MINAR2: variants seen among roughly 807,000 people sequenced by gnomAD.
MINAR2 encodes membrane integral NOTCH2 associated receptor 2, also known as major intrinsically disordered NOTCH2-binding receptor 1-like.
Under a neutral mutation model 16.1 loss-of-function variants are expected in MINAR2, and 21 were observed. The observed-to-expected ratio is 1.31, with a 90% CI of 0.93 to 1.88. The LOEUF (loss-of-function observed/expected upper bound fraction) is 1.88. MINAR2 is among the 40% of genes most tolerant of loss of function. The probability of loss-of-function intolerance (pLI) is 0.00; values close to 1 mark genes in which losing one functional copy is unlikely to be tolerated. For synonymous variants in MINAR2, 86 were observed against 83.0 expected, an observed-to-expected ratio of 1.04 and a Z score of -0.20; for missense variants, 259 against 229.8, an observed-to-expected ratio of 1.13 and a Z score of -0.82.
chr5:129,759,231 G>A (rs1363023749), intron 1 of MINAR2, among the ~76,000 whole-genome samples: 2 of 151,856 alleles, frequency 1.3e-5, no homozygotes, highest in African/African-American at 2.4e-5. Context: ...ATATTCTCTG[G>A]GGTGTCTAAA....
Position 129,758,440 on chromosome 5 carries a change from C to T in MINAR2, c.166-1938C>T, listed in dbSNP as rs541799478. 2.0e-5 allele frequency among the ~76,000 whole-genome samples: 3 copies of T among 152,126 alleles called. No individual in the cohort carries two copies. The South Asian group carries it at 6.2e-4, about 31-fold the overall frequency. ...ACATGCAGTGCAAAAATAAATAGCA[C>T]TATGCTCTATAATAAACCTCACAAC... On this transcript the variant is annotated intron_variant, in intron 1 of 2. Coordinates refer to ENST00000564719, the MANE Select transcript of MINAR2 (RefSeq NM_001257308.2).
At chr5:129,756,936 A>C (rs1758061544) in intron 1 of MINAR2, among the ~76,000 whole-genome samples, 3 of 9,766 alleles carry the variant, frequency 3.1e-4, no homozygotes, top group African/African-American at 2.6e-3. Context: ...TTCCACAGTA[A>C]AAAAAAAAAA....
At position 129,765,145 on chromosome 5, in the gene MINAR2, CAA is replaced by C; in HGVS notation, c.*88_*89del. ...TTTGAAACCCCCCCCACCAAAATAACAAAAAAACACATGTACATGCAGTGTGA... is the reference window on the plus strand; with the variant it reads ...TTTGAAACCCCCCCCACCAAAATAACAAAAACACATGTACATGCAGTGTGA... On this transcript the variant is annotated 3_prime_UTR_variant, in exon 3 of 3. Coordinates refer to ENST00000564719, the MANE Select transcript of MINAR2 (RefSeq NM_001257308.2). 3 of 742,588 alleles carry C rather than the reference CAA, an allele frequency of 4.0e-6. No homozygotes were observed. Among genetic ancestry groups the C allele is most frequent in the Non-Finnish European group, 5.6e-6 (3 of 531,466 alleles). The allele number at this position is 742,588 out of a possible 1,614,324, so 46.0% of individuals were successfully genotyped here.
intron 2 of MINAR2, 120 bp from the exon 3 acceptor site, chr5:129,764,764 C>T (rs1193334842): frequency 6.1e-6 from 3 of 490,748 alleles, no homozygotes; most frequent in Non-Finnish European, 9.7e-6. Context: ...AAGCCTTGCC[C>T]AGGACAGAGT....
chr5:129,752,152 A>G (rs2149544878), intron 1 of MINAR2, among the ~76,000 whole-genome samples: 2 of 152,338 alleles, frequency 1.3e-5, no homozygotes, highest in South Asian at 4.1e-4. Flanking sequence ...ACCATTGTGG[A>G]AGACAGTGTG....
chr5:129,765,799 T>G lies in MINAR2; in HGVS notation c.*736T>G, dbSNP rs1758204237. 6.6e-6 allele frequency: 1 copy of G among 152,148 alleles called. No homozygotes were observed. Among genetic ancestry groups the G allele is most frequent in the African/African-American group, 2.4e-5 (1 of 41,418 alleles). 9.4% of individuals were successfully genotyped at this position (152,148 alleles called of 1,614,324 possible). A position where few individuals can be genotyped will look rare whatever the true frequency, so the allele number is the denominator to read the frequency against. The stretch of plus-strand genomic sequence containing the variant: ...CCCCTGGTGGCAGTCAGTGTGCATA[T>G]ATTACCAACCATGGTCTAGGTTGGG... On this transcript the variant is annotated 3_prime_UTR_variant, in exon 3 of 3. Coordinates refer to ENST00000564719, the MANE Select transcript of MINAR2 (RefSeq NM_001257308.2).
At chr5:129,751,689 C>A (rs1176481781) in intron 1 of MINAR2, among the ~76,000 whole-genome samples, 4 of 152,172 alleles carry the variant, frequency 2.6e-5, no homozygotes, top group African/African-American at 9.7e-5. Context: ...AGAAGCTTCA[C>A]AACAAATTTT....
rs1264163590 is a variant in MINAR2, at chr5:129,764,865, C to T, written c.394-19C>T. The stretch of plus-strand genomic sequence containing the variant: ...ACTGATTACTGATTAATCATATTCT[C>T]TATGTAATTTTCTTTTAGGAAAATC... On this transcript the variant is annotated intron_variant, in intron 2 of 2. Transcript: ENST00000564719. The T allele has an allele frequency of 1.6e-6, 2 of 1,270,274 alleles. No individual in the cohort carries two copies. Among genetic ancestry groups the T allele is most frequent in the Non-Finnish European group, 1.0e-6 (1 of 994,672 alleles). 78.7% of individuals were successfully genotyped at this position (1,270,274 alleles called of 1,614,324 possible).
intron 1 of MINAR2, 108 bp downstream of exon 1, chr5:129,748,463 T>C (rs959561166): frequency 8.8e-7 from 1 of 1,130,918 alleles, no homozygotes; most frequent in African/African-American, 1.6e-5. Context: ...GAGTACAAGG[T>C]AGCTGCTCTG....
chr5:129,764,262 T>A (rs1395401469), intron 2 of MINAR2, among the ~76,000 whole-genome samples: 2 of 152,078 alleles, frequency 1.3e-5, no homozygotes, highest in African/African-American at 4.8e-5. Context: ...TAATGGGTCC[T>A]TTTTTCAGGA....
At chr5:129,748,986 G>C (rs555888678) in intron 1 of MINAR2, among the ~76,000 whole-genome samples, 2 of 152,238 alleles carry the variant, frequency 1.3e-5, no homozygotes, top group African/African-American at 4.8e-5. Context: ...ACCCAGTGCA[G>C]GTTTTATTTC....
chr5:129,757,794 T>C (rs1044210389), intron 1 of MINAR2, among the ~76,000 whole-genome samples: 2 of 151,988 alleles, frequency 1.3e-5, no homozygotes, highest in African/African-American at 4.8e-5. Context: ...CACAAATTAG[T>C]GATTATTACT....
chr5:129,752,505 A>T (rs1268468995), intron 1 of MINAR2, among the ~76,000 whole-genome samples: 3 of 152,160 alleles, frequency 2.0e-5, no homozygotes, highest in Non-Finnish European at 4.4e-5. Context: ...TCTCACTCAT[A>T]ATAGGAAGCT....
chr5:129,751,670 G>C (rs1411493269), intron 1 of MINAR2, among the ~76,000 whole-genome samples: 1 of 152,078 alleles, frequency 6.6e-6, no homozygotes, highest in African/African-American at 2.4e-5. Context: ...TCTTTCACCA[G>C]AGAAATAAAG....
chr5:129,756,946 A>C (rs1356289821), intron 1 of MINAR2, among the ~76,000 whole-genome samples: 12 of 148,052 alleles, frequency 8.1e-5, no homozygotes, highest in East Asian at 2.0e-4. Context: ...AAAAAAAAAA[A>C]AAAAAAAAAA....
Position 129,765,602 on chromosome 5 carries a change from A to C in MINAR2, c.*539A>C, listed in dbSNP as rs1051403863. 6.6e-6 allele frequency: 1 copy of C among 152,148 alleles called. No individual in the cohort carries two copies. Among genetic ancestry groups the C allele is most frequent in the Non-Finnish European group, 1.5e-5 (1 of 68,036 alleles). 9.4% of individuals were successfully genotyped at this position (152,148 alleles called of 1,614,324 possible). On this transcript the variant is annotated 3_prime_UTR_variant, in exon 3 of 3. Transcript: ENST00000564719. ...GTTTTATTTTCCTGTATTTCTGTTT[A>C]AGTCAGAAAAAAGGAAAAAGGGAAA...
At chr5:129,758,799 T>C (rs927103146) in intron 1 of MINAR2, among the ~76,000 whole-genome samples, 2 of 152,026 alleles carry the variant, frequency 1.3e-5, no homozygotes, top group African/African-American at 4.8e-5. Flanking sequence ...AAATTTCTTA[T>C]CAAATTACTT....
At chr5:129,752,035 C>G (rs1757991806) in intron 1 of MINAR2, among the ~76,000 whole-genome samples, 1 of 152,046 alleles carries the variant, frequency 6.6e-6, no homozygotes, top group Admixed American at 6.6e-5. Context: ...CCATCTCATG[C>G]CAGTTAGAAT....
intron 1 of MINAR2, among the ~76,000 whole-genome samples, chr5:129,753,316 T>A (rs1029414261): frequency 6.6e-6 from 1 of 151,796 alleles, no homozygotes; most frequent in Non-Finnish European, 1.5e-5. Flanking sequence ...AAACCCCATC[T>A]ATAGTAAAAA....
Sources: allele counts gnomAD v4.1 joint callset (sites outside exome capture counted in the v4.1 genomes callset), GRCh38; gene constraint gnomAD v4.1.1; transcripts MANE v1.5; gene names NCBI Gene and HGNC (gene_info 2026-07-23, HGNC 2026-07-21).